The following TP73 variants were observed in gnomAD, a reference collection of about 807,000 sequenced individuals.
TP73 encodes p53-like transcription factor.
Under a neutral mutation model 62.5 loss-of-function variants are expected in TP73, and 25 were observed. The ratio of observed to expected loss-of-function variants is 0.40; its 90% confidence interval spans 0.29 to 0.56. The LOEUF is 0.56. Ranked by LOEUF, TP73 falls within the 20% of genes least tolerant of loss-of-function variation. TP73 has a pLI of 0.46. For synonymous variants in TP73, 423 were observed against 377.5 expected, an observed-to-expected ratio of 1.12 and a Z score of -1.40; for missense variants, 754 against 913.3, an observed-to-expected ratio of 0.83 and a Z score of 2.25.
Position 3,732,742 on chromosome 1 carries a change from C to A in TP73, c.1579-5C>A. The A allele has an allele frequency of 1.3e-6, 2 of 1,559,066 alleles. No homozygotes were observed. Among genetic ancestry groups the A allele is most frequent in the Non-Finnish European group, 1.7e-6 (2 of 1,150,026 alleles). On this transcript the variant is annotated splice_region_variant and splice_polypyrimidine_tract_variant and intron_variant, in intron 13 of 13. Coordinates refer to ENST00000378295, the MANE Select transcript of TP73 (RefSeq NM_005427.4). ...CCCTGCCCCTAATGCGCCGGCCTCT[C>A]GCAGGACCTGGGGGCCCTGAAGATC...
At chr1:3,731,131 C>A (rs985832856) in intron 12 of TP73, 66 bp downstream of exon 12, 1 of 1,565,690 alleles carries the variant, frequency 6.4e-7, no homozygotes. Context: ...GTCCTTCTGG[C>A]CATGTCAGCT....
intron 3 of TP73, among the ~76,000 whole-genome samples, chr1:3,687,690 G>A (rs982098844): frequency 1.9e-4 from 29 of 151,904 alleles, no homozygotes; most frequent in South Asian, 1.7e-3. Context: ...ACTCTGCTCC[G>A]CTCCCGTCCT....
chr1:3,662,733 G>T lies in TP73; in HGVS notation c.-34+10092G>T, dbSNP rs1201543981. 6.6e-6 allele frequency among the ~76,000 whole-genome samples: 1 copy of T among 152,172 alleles called. No individual in the cohort carries two copies. Among genetic ancestry groups the T allele is most frequent in the African/African-American group, 2.4e-5 (1 of 41,438 alleles). On this transcript the variant is annotated intron_variant, in intron 1 of 13. Coordinates refer to ENST00000378295, the MANE Select transcript of TP73 (RefSeq NM_005427.4). This position sits in a 1 kb window ranked among gnomAD's most constrained non-coding sequence, Gnocchi z 4.4. ...TGGCGTGTCCTGAGCCCCAACCCAG[G>T]TGTCAGGGCTATGGAGGGGACATTG...
At chr1:3,654,324 T>A (rs1644820877) in intron 1 of TP73, among the ~76,000 whole-genome samples, 1 of 151,836 alleles carries the variant, frequency 6.6e-6, no homozygotes, top group South Asian at 2.1e-4. Flanking sequence ...TGGCTCGGGA[T>A]GTGAGCCCTG....
intron 4 of TP73, 125 bp from the exon 5 acceptor site, chr1:3,721,896 C>A: frequency 2.0e-6 from 2 of 986,058 alleles, no homozygotes; most frequent in Middle Eastern, 2.3e-4. Flanking sequence ...CTGCTTGGGG[C>A]AGTCTTCATC....
rs114089316 is a variant in TP73, at chr1:3,667,065, G to A, written c.-34+14424G>A. Among the ~76,000 whole-genome samples, 480 of 152,326 alleles carry A rather than the reference G, an allele frequency of 3.2e-3. 3 individuals are homozygous for A. The highest frequency in any genetic ancestry group is 0.011 in the African/African-American group (445 of 41,566). ...GTGAGAGAGGGAGCTGATGATGGAGGCAGAGGTTGGAGGGATGCATTTCAG... is the reference window on the plus strand; with the variant it reads ...GTGAGAGAGGGAGCTGATGATGGAGACAGAGGTTGGAGGGATGCATTTCAG... On this transcript the variant is annotated intron_variant, in intron 1 of 13. Coordinates refer to ENST00000378295, the MANE Select transcript of TP73 (RefSeq NM_005427.4).
intron 4 of TP73, among the ~76,000 whole-genome samples, chr1:3,711,837 A>AGTGTGTGT (rs1640167275): frequency 8.9e-6 from 1 of 112,154 alleles, no homozygotes; most frequent in Non-Finnish European, 2.1e-5. Context: ...TGTGTGCGCG[A>AGTGTGTGT]GCGTGTGTAT....
chr1:3,708,299 G>C (rs949984296), intron 4 of TP73: 2 of 172,754 alleles, frequency 1.2e-5, no homozygotes, highest in East Asian at 3.1e-4. Flanking sequence ...CATGCACCAA[G>C]GAGATGGGGT....
At chr1:3,680,037 C>T (rs1645484213) in intron 1 of TP73, among the ~76,000 whole-genome samples, 1 of 151,894 alleles carries the variant, frequency 6.6e-6, no homozygotes, top group Non-Finnish European at 1.5e-5. Flanking sequence ...CTGTCTCTCT[C>T]TTCCTGTCTC....
In TP73 at chr1:3,732,755, G is replaced by A. The variant is rs868549809; in HGVS notation, c.1587G>A (p.Gly529=). The A allele has an allele frequency of 6.4e-7, 1 of 1,571,446 alleles. No individual in the cohort carries two copies. The highest frequency in any genetic ancestry group is 1.4e-5 in the African/African-American group (1 of 74,054). ...HLQNLTIEDL[G]ALKIPEQYRM... ...GCGCCGGCCTCTCGCAGGACCTGGG[G>A]GCCCTGAAGATCCCCGAGCAGTACC... The change falls in exon 14 of 14, where the codon GGG becomes GGA. Residue 529 remains glycine, a synonymous_variant. Transcript: ENST00000378295.
intron 3 of TP73, among the ~76,000 whole-genome samples, chr1:3,691,587 G>T (rs1645833173): frequency 6.6e-6 from 1 of 151,538 alleles, no homozygotes. Context: ...GCAGCTTGTG[G>T]TTGGCCCCTG....
intron 4 of TP73, among the ~76,000 whole-genome samples, chr1:3,720,357 C>T (rs1640972100): frequency 6.6e-6 from 1 of 152,198 alleles, no homozygotes; most frequent in South Asian, 2.1e-4. Flanking sequence ...CAGGCAGGGG[C>T]AGTGGAGCCA....
intron 3 of TP73, among the ~76,000 whole-genome samples, chr1:3,689,590 C>T (rs1021640870): frequency 2.0e-5 from 3 of 151,886 alleles, no homozygotes; most frequent in South Asian, 4.2e-4. Flanking sequence ...CCCGCTCTCC[C>T]GGGGGTGGGG....
At chr1:3,719,340 G>C (rs1340009735) in intron 4 of TP73, among the ~76,000 whole-genome samples, 1 of 152,236 alleles carries the variant, frequency 6.6e-6, no homozygotes, top group Non-Finnish European at 1.5e-5. Context: ...GCAATGGGCA[G>C]CTCGCCCTGC....
intron 4 of TP73, among the ~76,000 whole-genome samples, chr1:3,713,912 C>T (rs3765761): frequency 0.13 from 20,150 of 152,108 alleles, 1,558 homozygotes; most frequent in Non-Finnish European, 0.17. Context: ...GAGAAGGTAA[C>T]AGCACTCCAG....
intron 3 of TP73, among the ~76,000 whole-genome samples, chr1:3,697,312 G>A (rs983084903): frequency 2.6e-5 from 4 of 152,270 alleles, no homozygotes; most frequent in South Asian, 2.1e-4. Context: ...GCTCAGCTCC[G>A]ACCACCTCTC....
chr1:3,681,767 G>A (rs566517805), intron 1 of TP73, among the ~76,000 whole-genome samples: 2 of 152,194 alleles, frequency 1.3e-5, no homozygotes, highest in African/African-American at 4.8e-5. Context: ...TGGGGTGACC[G>A]GGACCGGAGC....
chr1:3,729,238 G>C, intron 9 of TP73, 89 bp from the exon 10 acceptor site: 1 of 1,565,058 alleles, frequency 6.4e-7, no homozygotes, highest in Admixed American at 1.8e-5. Context: ...CAGATGCTTT[G>C]CCAAGCCCAG....
chr1:3,672,109 C>T lies in TP73; in HGVS notation c.-33-10224C>T, dbSNP rs141335825. Among the ~76,000 whole-genome samples the T allele has an allele frequency of 4.1e-3, 619 of 152,116 alleles. 5 individuals carry two copies. Among genetic ancestry groups the T allele is most frequent in the African/African-American group, 0.014 (576 of 41,480 alleles). On this transcript the variant is annotated intron_variant, in intron 1 of 13. Transcript: ENST00000378295. This position sits in a 1 kb window ranked among gnomAD's most constrained non-coding sequence, Gnocchi z 5.3. ...GAGACATGTCCACTGGTGCAGCGGG[C>T]GTGTCCCAGACCCCTTAGAGAAAAG...
Sources: gnomAD v4.1 joint callset for allele counts (sites outside exome capture counted in the v4.1 genomes callset) on GRCh38, gnomAD v4.1.1 for gene constraint, Gnocchi (gnomAD v3.1) non-coding constraint, MANE v1.5 for transcripts, NCBI Gene and HGNC (gene_info 2026-07-23, HGNC 2026-07-21) for gene names.